ZBTB8A: variants seen among roughly 807,000 people sequenced by gnomAD.
ZBTB8A encodes zinc finger and BTB domain containing 8A.
ZBTB8A carries 19 observed loss-of-function variants against 37.8 expected under a neutral mutation model. The ratio of observed to expected loss-of-function variants is 0.50; its 90% CI spans 0.35 to 0.74. ZBTB8A has a LOEUF of 0.74. Among genes scored for constraint, ZBTB8A ranks in the 30% least tolerant of loss-of-function variants. The probability of loss-of-function intolerance (pLI) is 0.01; values close to 1 mark genes in which losing one functional copy is unlikely to be tolerated. For synonymous variants in ZBTB8A, 181 were observed against 185.2 expected, an observed-to-expected ratio of 0.98 and a Z score of 0.19; for missense variants, 394 against 537.8, an observed-to-expected ratio of 0.73 and a Z score of 2.65.
chr1:32,573,484 G>A (rs970663312), intron 2 of ZBTB8A, among the ~76,000 whole-genome samples: 7 of 149,300 alleles, frequency 4.7e-5, no homozygotes, highest in African/African-American at 1.7e-4. Flanking sequence ...CCAGGCTGAT[G>A]TGTGGTGGCA....
At chr1:32,559,010 G>A (rs1193788471) in intron 2 of ZBTB8A, among the ~76,000 whole-genome samples, 1 of 152,186 alleles carries the variant, frequency 6.6e-6, no homozygotes, top group Non-Finnish European at 1.5e-5. Flanking sequence ...CCACAGCAGA[G>A]CCGGGGTTTA....
At chr1:32,560,587 G>A (rs941813222) in intron 2 of ZBTB8A, among the ~76,000 whole-genome samples, 1 of 126,958 alleles carries the variant, frequency 7.9e-6, no homozygotes, top group African/African-American at 3.0e-5. Flanking sequence ...AACTACTTCC[G>A]TTCTTTCTTT....
chr1:32,594,722 C>T (rs1231041950), intron 3 of ZBTB8A, among the ~76,000 whole-genome samples: 4 of 150,848 alleles, frequency 2.7e-5, no homozygotes, highest in East Asian at 1.9e-4. Context: ...GTGGAGATTG[C>T]GCCATTGCAC....
At chr1:32,544,452 C>G (rs572783380) in intron 1 of ZBTB8A, among the ~76,000 whole-genome samples, 32 of 152,230 alleles carry the variant, frequency 2.1e-4, no homozygotes, top group Non-Finnish European at 4.0e-4. Context: ...AATCCCAGCA[C>G]TTTGGGAGCC....
rs780701266 is a variant in ZBTB8A at position 32,595,101 on chromosome 1, G to A, written c.871G>A (p.Val291Met). Residue 291 changes from valine to methionine, a missense_variant, in exon 4 of 5, where the codon GTG becomes ATG. Val to Met is a conservative substitution (Grantham distance 21). Coordinates refer to ENST00000373510, the MANE Select transcript of ZBTB8A (RefSeq NM_001040441.3). Reference protein sequence around the residue: ...RFKCPYCTHVVKRKADLKRHL... With the variant: ...RFKCPYCTHVMKRKADLKRHL... ...CAAGTGCCCGTACTGCACACATGTG[G>A]TGAAGCGGAAGGCAGACCTAAAGCG... 1.2e-6 allele frequency: 2 copies of A among 1,614,208 alleles called. No homozygotes were observed. The highest frequency in any genetic ancestry group is 2.2e-5 in the East Asian group (1 of 44,884).
chr1:32,594,419 A>G (rs956565339), intron 3 of ZBTB8A, among the ~76,000 whole-genome samples: 2 of 151,910 alleles, frequency 1.3e-5, no homozygotes, highest in African/African-American at 4.8e-5. Flanking sequence ...CACTTTAAAT[A>G]GTTTTTTTTT....
chr1:32,581,132 T>C lies in ZBTB8A; in HGVS notation c.-1-11799T>C, dbSNP rs563166382. On this transcript the variant is annotated intron_variant, in intron 2 of 4. Coordinates refer to ENST00000373510, the MANE Select transcript of ZBTB8A (RefSeq NM_001040441.3). ...ATAATATATAATATATATAACTATATTATATATATTTATATATATTAAATA... is the reference window on the plus strand; with the variant it reads ...ATAATATATAATATATATAACTATACTATATATATTTATATATATTAAATA... Among the ~76,000 whole-genome samples, 622 of 110,986 alleles carry C rather than the reference T, an allele frequency of 5.6e-3. 9 individuals carry two copies. The highest frequency in any genetic ancestry group is 0.02 in the African/African-American group (575 of 28,674). 72.8% of individuals were successfully genotyped at this position (110,986 alleles called of 152,430 possible).
At chr1:32,587,957 A>G (rs931012945) in intron 2 of ZBTB8A, among the ~76,000 whole-genome samples, 2 of 152,124 alleles carry the variant, frequency 1.3e-5, no homozygotes, top group African/African-American at 4.8e-5. Context: ...ATAAAACCCA[A>G]AAGGACTGGA....
intron 4 of ZBTB8A, among the ~76,000 whole-genome samples, chr1:32,596,109 C>A (rs1224081278): frequency 6.6e-6 from 1 of 152,092 alleles, no homozygotes; most frequent in Non-Finnish European, 1.5e-5. Context: ...GTGGCTCACG[C>A]CTGTAATCCC....
At chr1:32,592,386 CA>C (rs111414616) in intron 2 of ZBTB8A, among the ~76,000 whole-genome samples, 19,216 of 149,378 alleles carry the variant, frequency 0.13, 1,336 homozygotes, top group African/African-American at 0.21. Context: ...AACAAAAAAA[CA>C]AAAAAAAACA....
At chr1:32,586,973 G>A (rs868811513) in intron 2 of ZBTB8A, among the ~76,000 whole-genome samples, 13 of 152,242 alleles carry the variant, frequency 8.5e-5, no homozygotes, top group Middle Eastern at 6.8e-3. Flanking sequence ...GGTCAGGTGC[G>A]GTGGCTCACG....
intron 2 of ZBTB8A, among the ~76,000 whole-genome samples, chr1:32,581,641 C>A (rs562815539): frequency 7.2e-5 from 11 of 151,840 alleles, no homozygotes; most frequent in Non-Finnish European, 1.6e-4. Context: ...CGTGAGCCAC[C>A]GTCCCCAGCC....
At chr1:32,578,702 T>C (rs1482520512) in intron 2 of ZBTB8A, among the ~76,000 whole-genome samples, 2 of 151,918 alleles carry the variant, frequency 1.3e-5, no homozygotes, top group African/African-American at 4.8e-5. Flanking sequence ...TTTATTTATT[T>C]ATTATTTATT....
chr1:32,571,289 A>G (rs1644321020), intron 2 of ZBTB8A, among the ~76,000 whole-genome samples: 1 of 152,212 alleles, frequency 6.6e-6, no homozygotes, highest in African/African-American at 2.4e-5. Context: ...CCTTAGGGGG[A>G]AAGCATTTGA....
At chr1:32,560,207 AAT>A (rs1644232925) in intron 2 of ZBTB8A, among the ~76,000 whole-genome samples, 1 of 152,142 alleles carries the variant, frequency 6.6e-6, no homozygotes, top group South Asian at 2.1e-4. Context: ...ACTCTGCCCC[AAT>A]GGTCCAATCG....
intron 2 of ZBTB8A, among the ~76,000 whole-genome samples, chr1:32,562,569 CT>C (rs751648634): frequency 1.9e-3 from 216 of 111,836 alleles, no homozygotes; most frequent in African/African-American, 5.1e-3. Context: ...CCGCGTCCGG[CT>C]TTTTTTTTTT....
chr1:32,548,284 T>C (rs1392535357), intron 1 of ZBTB8A, among the ~76,000 whole-genome samples: 2 of 152,054 alleles, frequency 1.3e-5, no homozygotes, highest in African/African-American at 4.8e-5. Flanking sequence ...ATGAATATGA[T>C]GAAACCAGTC....
chr1:32,601,511 A>T lies in ZBTB8A; in HGVS notation c.*1092A>T. 2.5e-6 allele frequency: 1 copy of T among 397,604 alleles called. No homozygotes were observed. The highest frequency in any genetic ancestry group is 4.4e-6 in the Non-Finnish European group (1 of 225,572). 24.6% of individuals were successfully genotyped at this position (397,604 alleles called of 1,614,324 possible). A position where few individuals can be genotyped will look rare whatever the true frequency, so the allele number is the denominator to read the frequency against. On this transcript the variant is annotated 3_prime_UTR_variant, in exon 5 of 5. Coordinates refer to ENST00000373510, the MANE Select transcript of ZBTB8A (RefSeq NM_001040441.3). ...GAAAACAAACTAGGAGGTTCTTACC[A>T]TATGTGAGTGATTTCTAACGTTTAT... is the stretch of plus-strand genomic sequence containing the variant.
chr1:32,573,738 CTTTTTTTTTTTT>C (rs753573244), intron 2 of ZBTB8A, among the ~76,000 whole-genome samples: 1 of 95,030 alleles, frequency 1.1e-5, no homozygotes, highest in Non-Finnish European at 2.0e-5. Context: ...CCAGCTAAAA[CTTTTTTTTTTTT>C]TTTTTTTTTT....
Sources: allele counts gnomAD v4.1 joint callset (sites outside exome capture counted in the v4.1 genomes callset), GRCh38; gene constraint gnomAD v4.1.1; transcripts MANE v1.5; gene names NCBI Gene and HGNC (gene_info 2026-07-23, HGNC 2026-07-21).